CNTNAP2: variants seen among roughly 807,000 people sequenced by gnomAD.
The protein encoded by CNTNAP2 is contactin associated protein 2, also known as contactin-associated protein-like 2.
Under a neutral mutation model 155.2 loss-of-function variants are expected in CNTNAP2, and 98 were observed. The observed-to-expected ratio is 0.63, with a 90% CI of 0.54 to 0.75. The LOEUF (loss-of-function observed/expected upper bound fraction) is 0.75. CNTNAP2 is among the 30% of genes least tolerant of loss of function. The probability of loss-of-function intolerance (pLI) is 0.00; values close to 1 mark genes in which losing one functional copy is unlikely to be tolerated. For synonymous variants in CNTNAP2, 651 were observed against 631.2 expected (o/e 1.03, Z -0.47); for missense variants, 1,727 against 1,688.1 (o/e 1.02, Z -0.40).
intron 1 of CNTNAP2, among the ~76,000 whole-genome samples, chr7:146,364,016 T>G (rs1441154727): frequency 1.3e-5 from 2 of 152,082 alleles, no homozygotes; most frequent in Non-Finnish European, 2.9e-5. Context: ...AGAAAAAAAG[T>G]TGCTTGCAGG....
Position 147,317,764 on chromosome 7 carries a change from A to ATG in CNTNAP2, c.1498+17475_1498+17476insGT, listed in dbSNP as rs1385739778. On this transcript the variant is annotated intron_variant, in intron 9 of 23. Coordinates refer to ENST00000361727, the MANE Select transcript of CNTNAP2 (RefSeq NM_014141.6). ...GTCGCTTAAACTTCAAAAAAAGGAT[A>ATG]TATATATATATATGTGTGTGTGTGT... Among the ~76,000 whole-genome samples the ATG allele has an allele frequency of 2.8e-3, 303 of 106,940 alleles. 8 individuals are homozygous for ATG. In the East Asian group the frequency reaches 0.076, roughly 27 times the overall value. 70.2% of individuals were successfully genotyped at this position (106,940 alleles called of 152,430 possible). A position where few individuals can be genotyped will look rare whatever the true frequency, so the allele number is the denominator to read the frequency against.
intron 13 of CNTNAP2, among the ~76,000 whole-genome samples, chr7:147,842,411 A>G (rs74857709): frequency 0.018 from 2,749 of 152,250 alleles, 50 homozygotes; most frequent in East Asian, 0.15. Flanking sequence ...CTATGTTAAT[A>G]ATATAATTTT....
intron 1 of CNTNAP2, among the ~76,000 whole-genome samples, chr7:146,726,827 C>T (rs1029608170): frequency 6.6e-6 from 1 of 151,984 alleles, no homozygotes; most frequent in Non-Finnish European, 1.5e-5. Flanking sequence ...TGTTTAAATA[C>T]TTTATATTAG....
intron 1 of CNTNAP2, among the ~76,000 whole-genome samples, chr7:146,294,649 A>C (rs2129087200): frequency 6.6e-6 from 1 of 152,324 alleles, no homozygotes; most frequent in Non-Finnish European, 1.5e-5. Context: ...TGATGACTTT[A>C]CTTTTCAGTT....
intron 9 of CNTNAP2, among the ~76,000 whole-genome samples, chr7:147,301,531 A>G (rs1417432704): frequency 6.6e-6 from 1 of 150,654 alleles, no homozygotes. Context: ...TTCTATTTGT[A>G]TTTACATATC....
chr7:147,211,587 G>T (rs67143657), intron 8 of CNTNAP2, among the ~76,000 whole-genome samples: 2 of 151,860 alleles, frequency 1.3e-5, no homozygotes, highest in Non-Finnish European at 2.9e-5. Context: ...TTCAACACAC[G>T]GTGCTGGGAT....
chr7:148,293,399 T>C (rs10224881), intron 21 of CNTNAP2, among the ~76,000 whole-genome samples: 31,370 of 152,110 alleles, frequency 0.21, 3,957 homozygotes, highest in African/African-American at 0.34. Flanking sequence ...TTCGGATTAA[T>C]GGTAATAGAT....
chr7:147,639,620 A>G (rs959550937), intron 13 of CNTNAP2, among the ~76,000 whole-genome samples: 2 of 152,344 alleles, frequency 1.3e-5, no homozygotes, highest in South Asian at 4.1e-4. Context: ...TGAACATTCA[A>G]GCAATTCCCT....
intron 3 of CNTNAP2, among the ~76,000 whole-genome samples, chr7:147,020,964 G>A (rs1450851253): frequency 6.6e-6 from 1 of 152,080 alleles, no homozygotes; most frequent in Non-Finnish European, 1.5e-5. Flanking sequence ...TCAGTATTTT[G>A]TGATTAAAAT....
intron 8 of CNTNAP2, among the ~76,000 whole-genome samples, chr7:147,245,585 G>C (rs1804043234): frequency 6.6e-6 from 1 of 151,824 alleles, no homozygotes; most frequent in Non-Finnish European, 1.5e-5. Flanking sequence ...TGTAATCTTA[G>C]CACGTCGGGA....
chr7:147,490,543 GA>G (rs1367501183), intron 11 of CNTNAP2, among the ~76,000 whole-genome samples: 1 of 152,094 alleles, frequency 6.6e-6, no homozygotes, highest in African/African-American at 2.4e-5. Context: ...AAAATAAATT[GA>G]ATTCTATTTG....
intron 8 of CNTNAP2, among the ~76,000 whole-genome samples, chr7:147,246,106 TACAC>T (rs10564096): frequency 9.4e-4 from 93 of 98,486 alleles, no homozygotes; most frequent in East Asian, 7.9e-3. Context: ...TATATATATA[TACAC>T]ACATATATAT....
intron 20 of CNTNAP2, among the ~76,000 whole-genome samples, chr7:148,242,192 C>T (rs1284204436): frequency 9.9e-5 from 15 of 152,216 alleles, no homozygotes; most frequent in Admixed American, 3.3e-4. Context: ...TAAAATCACT[C>T]TCAAAGATTG....
intron 2 of CNTNAP2, among the ~76,000 whole-genome samples, chr7:146,778,495 C>T (rs560244291): frequency 7.2e-5 from 11 of 152,228 alleles, no homozygotes; most frequent in Admixed American, 6.5e-4. Context: ...TTCTTATCAA[C>T]ACCTTATTCC....
At chr7:147,206,886 C>G (rs1803034299) in intron 8 of CNTNAP2, among the ~76,000 whole-genome samples, 1 of 152,098 alleles carries the variant, frequency 6.6e-6, no homozygotes, top group Non-Finnish European at 1.5e-5. Context: ...GAATGAGATA[C>G]AATACAGAGA....
intron 6 of CNTNAP2, among the ~76,000 whole-genome samples, chr7:147,123,401 A>C (rs753013032): frequency 2.6e-5 from 4 of 152,240 alleles, no homozygotes; most frequent in African/African-American, 4.8e-5. Context: ...TGAGTGTGTG[A>C]CGAAGTCTAT....
chr7:146,758,505 A>G (rs977411456), intron 1 of CNTNAP2, among the ~76,000 whole-genome samples: 2 of 152,180 alleles, frequency 1.3e-5, no homozygotes, highest in African/African-American at 2.4e-5. Flanking sequence ...GGCAATTTAC[A>G]GAAGTAAGAA....
intron 3 of CNTNAP2, among the ~76,000 whole-genome samples, chr7:146,863,215 C>T (rs901430018): frequency 3.9e-5 from 6 of 152,042 alleles, no homozygotes; most frequent in African/African-American, 9.7e-5. Context: ...CAATAGTAGG[C>T]ATTTATGACT....
chr7:147,791,290 A>G (rs906797183), intron 13 of CNTNAP2, among the ~76,000 whole-genome samples: 1 of 151,910 alleles, frequency 6.6e-6, no homozygotes, highest in Non-Finnish European at 1.5e-5. Flanking sequence ...TCACTTTTCA[A>G]CTACCTCCAT....
Sources: gnomAD v4.1 joint callset for allele counts (sites outside exome capture counted in the v4.1 genomes callset) on GRCh38, gnomAD v4.1.1 for gene constraint, MANE v1.5 for transcripts, NCBI Gene and HGNC (gene_info 2026-07-23, HGNC 2026-07-21) for gene names.